DLGAP2: variants seen among roughly 807,000 people sequenced by gnomAD.
DLGAP2 encodes DLG associated protein 2.
Under a neutral mutation model 100.3 loss-of-function variants are expected in DLGAP2, and 26 were observed. The observed-to-expected ratio is 0.26, with a 90% confidence interval of 0.19 to 0.36. DLGAP2 has a LOEUF of 0.36. Among genes scored for constraint, DLGAP2 ranks in the 10% least tolerant of loss-of-function variants. The pLI, the probability that DLGAP2 is intolerant of heterozygous loss-of-function variation, is 1.00. For missense variants in DLGAP2, 1,858 were observed against 1,453.2 expected, an observed-to-expected ratio of 1.28 and a Z score of -4.53; for synonymous variants, 886 against 630.1, an observed-to-expected ratio of 1.41 and a Z score of -6.08.
rs532071411 is a variant in DLGAP2 at position 898,959 on chromosome 8, G to A, written c.19-8953G>A. ...AGCTTGACGGACAAACAGACTCTTG[G>A]GCCCTGCCCCAGAACTCCTGCGTGG... On this transcript the variant is annotated intron_variant, in intron 1 of 14. Transcript: ENST00000637795. 1.5e-3 allele frequency among the ~76,000 whole-genome samples: 226 copies of A among 152,306 alleles called. 1 individual carries two copies. The highest frequency in any genetic ancestry group is 3.4e-3 in the Middle Eastern group (1 of 294).
chr8:1,331,544 C>A (rs75213248), intron 3 of DLGAP2, among the ~76,000 whole-genome samples: 1 of 152,146 alleles, frequency 6.6e-6, no homozygotes, highest in African/African-American at 2.4e-5. Flanking sequence ...AAACTCTTTG[C>A]GTTTAGAGTC....
intron 5 of DLGAP2, among the ~76,000 whole-genome samples, chr8:1,551,766 G>C (rs1011989349): frequency 7.1e-6 from 1 of 140,600 alleles, no homozygotes; most frequent in South Asian, 2.3e-4. Flanking sequence ...AAATATGCCT[G>C]TGTTGATCTC....
intron 12 of DLGAP2, among the ~76,000 whole-genome samples, chr8:1,681,514 C>T (rs1226484167): frequency 6.6e-6 from 1 of 151,724 alleles, no homozygotes; most frequent in African/African-American, 2.4e-5. Flanking sequence ...AAAAAGTAGC[C>T]CGGTGTGGTG....
At chr8:1,373,221 C>G (rs1371049603) in intron 3 of DLGAP2, among the ~76,000 whole-genome samples, 2 of 151,818 alleles carry the variant, frequency 1.3e-5, no homozygotes, top group South Asian at 2.1e-4. Context: ...CAGCAAGACT[C>G]TGTGCTGGAG....
At chr8:1,068,651 C>T (rs966999262) in intron 2 of DLGAP2, among the ~76,000 whole-genome samples, 37 of 152,010 alleles carry the variant, frequency 2.4e-4, no homozygotes, top group East Asian at 1.4e-3. Context: ...GGAACAAGGA[C>T]GGAGGGAGGG....
intron 2 of DLGAP2, among the ~76,000 whole-genome samples, chr8:1,046,839 T>C (rs199499605): frequency 2.8e-4 from 42 of 149,050 alleles, no homozygotes; most frequent in African/African-American, 7.1e-4. Flanking sequence ...ACAACCCCCC[T>C]TTTTTTTTTC....
At chr8:797,741 G>GTTTTA (rs1796064593) in intron 1 of DLGAP2, among the ~76,000 whole-genome samples, 1 of 151,972 alleles carries the variant, frequency 6.6e-6, no homozygotes, top group Non-Finnish European at 1.5e-5. Flanking sequence ...TTTGTGTTTT[G>GTTTTA]TTTTATTTTA....
chr8:1,338,780 G>A (rs1317405946), intron 3 of DLGAP2, among the ~76,000 whole-genome samples: 3 of 148,102 alleles, frequency 2.0e-5, no homozygotes, highest in Admixed American at 6.9e-5. Context: ...GACTGAACGG[G>A]AAGTACCATG....
intron 3 of DLGAP2, among the ~76,000 whole-genome samples, chr8:1,451,835 G>A (rs10780153): frequency 3.3e-5 from 5 of 151,952 alleles, no homozygotes; most frequent in Non-Finnish European, 7.4e-5. Context: ...GCCCACATTC[G>A]CTGCGATCAT....
chr8:909,301 C>G (rs1798439546), intron 2 of DLGAP2, among the ~76,000 whole-genome samples: 1 of 152,178 alleles, frequency 6.6e-6, no homozygotes, highest in Non-Finnish European at 1.5e-5. Flanking sequence ...CTGTGTCCAT[C>G]AAAGTCAGCA....
chr8:1,259,189 G>T (rs1799291363), intron 3 of DLGAP2, among the ~76,000 whole-genome samples: 1 of 152,216 alleles, frequency 6.6e-6, no homozygotes, highest in South Asian at 2.1e-4. Flanking sequence ...TGCTGATACA[G>T]GCTTGTTGGC....
intron 2 of DLGAP2, among the ~76,000 whole-genome samples, chr8:1,119,669 G>A (rs1795991174): frequency 6.6e-6 from 1 of 152,226 alleles, no homozygotes. Flanking sequence ...GCATGTGTGA[G>A]AGGCTTCGCC....
chr8:1,061,948 G>T (rs549742701), intron 2 of DLGAP2, among the ~76,000 whole-genome samples: 36 of 152,068 alleles, frequency 2.4e-4, no homozygotes, highest in African/African-American at 8.7e-4. Context: ...CTAGGAAGTT[G>T]CCCATTTATG....
intron 3 of DLGAP2, among the ~76,000 whole-genome samples, chr8:1,478,373 A>T (rs757110060): frequency 6.6e-6 from 1 of 152,186 alleles, no homozygotes; most frequent in Non-Finnish European, 1.5e-5. Flanking sequence ...GTGTGTGTAG[A>T]CATAGCATAT....
rs191627337 is a variant in DLGAP2, at chr8:1,407,943, A to C, written c.107-93423A>C. On this transcript the variant is annotated intron_variant, in intron 3 of 14. Coordinates refer to ENST00000637795, the MANE Select transcript of DLGAP2 (RefSeq NM_001346810.2). ...CCGCAGGGTCCACCTCAGGGCTTCC[A>C]GCATTTCCTTGTTGGGGGTTGGGGT... 3.3e-3 allele frequency among the ~76,000 whole-genome samples: 509 copies of C among 152,298 alleles called. 2 individuals carry two copies. The highest frequency in any genetic ancestry group is 4.5e-3 in the Non-Finnish European group (306 of 68,016).
At chr8:1,614,863 A>G (rs1191572713) in intron 6 of DLGAP2, among the ~76,000 whole-genome samples, 2 of 152,150 alleles carry the variant, frequency 1.3e-5, no homozygotes, top group African/African-American at 4.8e-5. Context: ...GTGCACACGC[A>G]CACACACACA....
intron 2 of DLGAP2, among the ~76,000 whole-genome samples, chr8:952,030 C>G (rs56058128): frequency 0.19 from 28,564 of 152,230 alleles, 2,879 homozygotes; most frequent in Non-Finnish European, 0.22. Context: ...GTGCCCTCTC[C>G]CAGTGGGTTC....
chr8:1,031,846 G>A (rs1335820377), intron 2 of DLGAP2, among the ~76,000 whole-genome samples: 1 of 152,230 alleles, frequency 6.6e-6, no homozygotes, highest in Non-Finnish European at 1.5e-5. Context: ...AAGCAGAAAT[G>A]CTGTTTATGT....
intron 2 of DLGAP2, among the ~76,000 whole-genome samples, chr8:1,070,841 G>A (rs1329648211): frequency 6.6e-6 from 1 of 152,198 alleles, no homozygotes; most frequent in African/African-American, 2.4e-5. Context: ...GGCTGTGGTT[G>A]TTCCCACTCG....
Sources: gnomAD v4.1 joint callset for allele counts (sites outside exome capture counted in the v4.1 genomes callset) on GRCh38, gnomAD v4.1.1 for gene constraint, MANE v1.5 for transcripts, NCBI Gene and HGNC (gene_info 2026-07-23, HGNC 2026-07-21) for gene names.